Variants in TFG observed in about 807,000 individuals in gnomAD.
The protein encoded by TFG is protein TFG.
TFG carries 22 observed loss-of-function variants against 51.4 expected under a neutral mutation model. The observed-to-expected ratio is 0.43, with a 90% CI of 0.31 to 0.61. The LOEUF is 0.61. Among genes scored for constraint, TFG ranks in the 20% least tolerant of loss-of-function variants. The pLI, the probability that TFG is intolerant of heterozygous loss-of-function variation, is 0.12. For missense variants in TFG, 419 were observed against 487.7 expected, an observed-to-expected ratio of 0.86 and a Z score of 1.33; for synonymous variants, 187 against 165.6, an observed-to-expected ratio of 1.13 and a Z score of -0.99.
intron 1 of TFG, among the ~76,000 whole-genome samples, chr3:100,710,563 C>T (rs939868070): frequency 6.6e-6 from 1 of 152,204 alleles, no homozygotes; most frequent in Non-Finnish European, 1.5e-5. Context: ...TAAGCCACAG[C>T]CTCTGAAATT....
chr3:100,721,904 A>G (rs1009636973), intron 3 of TFG, among the ~76,000 whole-genome samples: 1 of 152,252 alleles, frequency 6.6e-6, no homozygotes. Context: ...TAATTCCAGC[A>G]CTTTGGGAGG....
chr3:100,741,697 C>G (rs1412280867), intron 6 of TFG, among the ~76,000 whole-genome samples: 1 of 152,164 alleles, frequency 6.6e-6, no homozygotes, highest in Non-Finnish European at 1.5e-5. Context: ...CTTGGAGCAG[C>G]TTTTAATCCT....
rs145570102 is a variant in TFG at position 100,725,340 on chromosome 3, T to C, written c.269-3372T>C. 3.4e-3 allele frequency among the ~76,000 whole-genome samples: 520 copies of C among 152,212 alleles called. 4 individuals are homozygous for C. Among genetic ancestry groups the C allele is most frequent in the African/African-American group, 0.012 (490 of 41,522 alleles). On this transcript the variant is annotated intron_variant, in intron 3 of 7. Coordinates refer to ENST00000240851, the MANE Select transcript of TFG (RefSeq NM_006070.6). ...TACAACAAAAGATACTTGGGATAAA[T>C]CTAACATGGCAAGATTGTTTTGGAT...
intron 6 of TFG, among the ~76,000 whole-genome samples, chr3:100,737,015 A>G (rs1553703004): frequency 1.3e-5 from 2 of 152,174 alleles, no homozygotes; most frequent in Non-Finnish European, 2.9e-5. Flanking sequence ...CAGACTGGTG[A>G]TTTCACACTT....
At chr3:100,716,116 ATTG>A (rs1297312120) in intron 2 of TFG, among the ~76,000 whole-genome samples, 1 of 152,086 alleles carries the variant, frequency 6.6e-6, no homozygotes, top group African/African-American at 2.4e-5. Context: ...ATAATATGTT[ATTG>A]TTAACTGTAG....
At chr3:100,735,666 A>T (rs935442075) in intron 5 of TFG, among the ~76,000 whole-genome samples, 8 of 152,238 alleles carry the variant, frequency 5.3e-5, no homozygotes, top group African/African-American at 1.7e-4. Flanking sequence ...AAGGAATAAG[A>T]CATATTTACA....
intron 3 of TFG, among the ~76,000 whole-genome samples, chr3:100,724,526 A>G (rs1486996786): frequency 3.3e-5 from 5 of 152,218 alleles, no homozygotes; most frequent in Non-Finnish European, 7.4e-5. Flanking sequence ...CTATTTTACC[A>G]AATATCTAAG....
chr3:100,721,869 A>G (rs1027774423), intron 3 of TFG, among the ~76,000 whole-genome samples: 2 of 152,218 alleles, frequency 1.3e-5, no homozygotes, highest in African/African-American at 4.8e-5. Flanking sequence ...ATATAAAAGC[A>G]GCCGGCCGTG....
At chr3:100,728,170 G>T (rs148531260) in intron 3 of TFG, among the ~76,000 whole-genome samples, 134 of 152,138 alleles carry the variant, frequency 8.8e-4, no homozygotes, top group African/African-American at 3.0e-3. Flanking sequence ...TTTAAGATCA[G>T]CTATTTTAGT....
At chr3:100,728,624 G>T in intron 3 of TFG, 88 bp from the exon 4 acceptor site, 9 of 1,142,888 alleles carry the variant, frequency 7.9e-6, no homozygotes, top group South Asian at 4.0e-5. Context: ...TTTTTTAAAG[G>T]AATTGTATTT....
intron 3 of TFG, among the ~76,000 whole-genome samples, chr3:100,723,294 T>C (rs928605796): frequency 2.0e-5 from 3 of 151,940 alleles, no homozygotes; most frequent in Non-Finnish European, 4.4e-5. Flanking sequence ...AGAGTTATAA[T>C]TGAAAAATTA....
intron 6 of TFG, among the ~76,000 whole-genome samples, chr3:100,739,381 T>C (rs899559764): frequency 2.0e-5 from 3 of 152,070 alleles, no homozygotes; most frequent in Admixed American, 1.3e-4. Context: ...CAACAAGATA[T>C]TGAGCATCAT....
intron 6 of TFG, among the ~76,000 whole-genome samples, chr3:100,740,777 C>T (rs1444407719): frequency 6.6e-6 from 1 of 152,120 alleles, no homozygotes; most frequent in Non-Finnish European, 1.5e-5. Flanking sequence ...GTTCTCTTTT[C>T]CCCTTAATTT....
At chr3:100,718,859 A>G (rs1349163419) in intron 2 of TFG, among the ~76,000 whole-genome samples, 1 of 152,022 alleles carries the variant, frequency 6.6e-6, no homozygotes, top group African/African-American at 2.4e-5. Flanking sequence ...CACTTGGCCA[A>G]AAAGTTTTTG....
chr3:100,737,992 A>G (rs1290132887), intron 6 of TFG, among the ~76,000 whole-genome samples: 2 of 152,106 alleles, frequency 1.3e-5, no homozygotes, highest in Non-Finnish European at 2.9e-5. Flanking sequence ...TGTTGAATTG[A>G]AGTGGGTGGT....
At chr3:100,713,929 GA>G (rs2095038254) in intron 2 of TFG, 60 bp downstream of exon 2, 2 of 990,950 alleles carry the variant, frequency 2.0e-6, no homozygotes, top group South Asian at 4.0e-5. Context: ...AAAAAAGACA[GA>G]GCCTCTGTTG....
intron 3 of TFG, among the ~76,000 whole-genome samples, chr3:100,724,712 A>G (rs1247508480): frequency 1.3e-5 from 2 of 152,216 alleles, no homozygotes; most frequent in Admixed American, 1.3e-4. Flanking sequence ...TACAAATCAA[A>G]CTCATCAGTG....
chr3:100,727,579 C>T (rs183743841), intron 3 of TFG, among the ~76,000 whole-genome samples: 16 of 152,244 alleles, frequency 1.1e-4, no homozygotes, highest in Admixed American at 9.2e-4. Flanking sequence ...CCTTGTGTCA[C>T]TTTCTTTTTA....
chr3:100,740,164 T>G (rs1427809949), intron 6 of TFG, among the ~76,000 whole-genome samples: 1 of 152,168 alleles, frequency 6.6e-6, no homozygotes, highest in East Asian at 1.9e-4. Flanking sequence ...ACTATGTGTA[T>G]TATTTATTAC....
Sources: allele counts gnomAD v4.1 joint callset (sites outside exome capture counted in the v4.1 genomes callset), GRCh38; gene constraint gnomAD v4.1.1; transcripts MANE v1.5; gene names NCBI Gene and HGNC (gene_info 2026-07-23, HGNC 2026-07-21).